SDK2: variants seen among roughly 807,000 people sequenced by gnomAD.
SDK2 encodes the protein protein sidekick-2.
In SDK2, 105 loss-of-function variants were observed where a neutral mutation model predicts 253.9. The ratio of observed to expected loss-of-function variants is 0.41; its 90% CI spans 0.35 to 0.49. SDK2 has a LOEUF of 0.49. SDK2 is among the 20% of genes least tolerant of loss of function. The pLI is 0.06. For synonymous variants in SDK2, 1,249 were observed against 1,234.9 expected (o/e 1.01, Z -0.24); for missense variants, 2,608 against 3,003.0 (o/e 0.87, Z 3.07).
At chr17:73,509,017 T>C (rs1266300678) in intron 1 of SDK2, among the ~76,000 whole-genome samples, 1 of 152,148 alleles carries the variant, frequency 6.6e-6, no homozygotes, top group Non-Finnish European at 1.5e-5. Context: ...CCATGCACCT[T>C]CCAGTGACCA....
At chr17:73,630,577 A>T (rs1484377398) in intron 1 of SDK2, among the ~76,000 whole-genome samples, 1 of 150,878 alleles carries the variant, frequency 6.6e-6, no homozygotes, top group South Asian at 2.1e-4. Flanking sequence ...CTCAGCTTGG[A>T]CTCAGCCTGG....
rs1275172865 is a variant in SDK2, at chr17:73,447,129, C to T, written c.613+486G>A. ...GTGGGTGCCTGGGCAGAGGGCCTGT[C>T]TTCCCATCAGCAGGGACCACCTGGC... On this transcript the variant is annotated intron_variant, in intron 5 of 44. Coordinates refer to ENST00000392650, the MANE Select transcript of SDK2 (RefSeq NM_001144952.2). This position sits in a 1 kb window ranked among gnomAD's most constrained non-coding sequence, Gnocchi z 4.0. Among the ~76,000 whole-genome samples, 1 of 152,136 alleles carries T rather than the reference C, an allele frequency of 6.6e-6. No individual in the cohort carries two copies. Among genetic ancestry groups the T allele is most frequent in the Non-Finnish European group, 1.5e-5 (1 of 68,022 alleles).
intron 33 of SDK2, among the ~76,000 whole-genome samples, chr17:73,382,759 T>C (rs942776447): frequency 1.3e-5 from 2 of 152,326 alleles, no homozygotes; most frequent in African/African-American, 4.8e-5. Context: ...CCCAGCACTC[T>C]GGGAGGCCAA....
At chr17:73,510,156 G>A (rs556975403) in intron 1 of SDK2, among the ~76,000 whole-genome samples, 2 of 151,988 alleles carry the variant, frequency 1.3e-5, no homozygotes, top group Admixed American at 6.6e-5. Flanking sequence ...GGACATCCTG[G>A]TCTTTGGTCA....
intron 1 of SDK2, among the ~76,000 whole-genome samples, chr17:73,553,216 C>T (rs1240875476): frequency 8.5e-6 from 1 of 117,634 alleles, no homozygotes; most frequent in Non-Finnish European, 1.7e-5. Flanking sequence ...AGGCAAGAGG[C>T]AGAGATGGGG....
rs548684382 is a variant in SDK2, at chr17:73,612,388, G to T, written c.64+31637C>A. 6.6e-6 allele frequency among the ~76,000 whole-genome samples: 1 copy of T among 151,646 alleles called. No individual in the cohort carries two copies. The highest frequency in any genetic ancestry group is 2.4e-5 in the African/African-American group (1 of 41,364). The stretch of plus-strand genomic sequence containing the variant: ...CCCCGCACAGTCCCCACCCTCACCG[G>T]GTCCCTGTGGCCCAGCTGCACCTAG... On this transcript the variant is annotated intron_variant, in intron 1 of 44. Transcript: ENST00000392650. The surrounding 1 kb of genome is among the most constrained non-coding windows in gnomAD (Gnocchi z 4.4).
chr17:73,388,657 C>T (rs1030843339), intron 29 of SDK2, among the ~76,000 whole-genome samples: 20 of 152,168 alleles, frequency 1.3e-4, no homozygotes, highest in African/African-American at 4.8e-4. Context: ...TCCAATGTCC[C>T]CTGTGGCCAA....
At chr17:73,578,467 C>T (rs2045488028) in intron 1 of SDK2, among the ~76,000 whole-genome samples, 1 of 152,182 alleles carries the variant, frequency 6.6e-6, no homozygotes. Context: ...CATTTGGGGT[C>T]ATTTTGTTAC....
chr17:73,549,626 A>G (rs548218587), intron 1 of SDK2, among the ~76,000 whole-genome samples: 1 of 152,088 alleles, frequency 6.6e-6, no homozygotes, highest in South Asian at 2.1e-4. Flanking sequence ...CAAGCCCTGA[A>G]GGATGGATGG....
At chr17:73,632,621 C>T (rs948269367) in intron 1 of SDK2, among the ~76,000 whole-genome samples, 2 of 152,168 alleles carry the variant, frequency 1.3e-5, no homozygotes, top group African/African-American at 4.8e-5. Context: ...TGATCCAATA[C>T]TCTTAATAAA....
At chr17:73,489,134 T>C (rs1455159729) in intron 2 of SDK2, among the ~76,000 whole-genome samples, 1 of 152,240 alleles carries the variant, frequency 6.6e-6, no homozygotes, top group Non-Finnish European at 1.5e-5. Context: ...CTCCATGTAC[T>C]GTGGTATCAG....
intron 40 of SDK2, among the ~76,000 whole-genome samples, chr17:73,355,017 TC>T (rs2062574879): frequency 6.6e-6 from 1 of 151,240 alleles, no homozygotes; most frequent in Non-Finnish European, 1.5e-5. Flanking sequence ...TCTCCCCACT[TC>T]CAGTGTGGAT....
In SDK2 at chr17:73,352,603, G is replaced by T; in HGVS notation, c.5628C>A (p.Ile1876=). 1 of 1,614,014 alleles carries T rather than the reference G, an allele frequency of 6.2e-7. No individual in the cohort carries two copies. Among genetic ancestry groups the T allele is most frequent in the Non-Finnish European group, 8.5e-7 (1 of 1,179,892 alleles). The change falls in exon 41 of 45, where the codon ATC becomes ATA. Residue 1876 remains isoleucine (I), a synonymous_variant. Transcript: ENST00000392650. This position sits in a 1 kb window ranked among gnomAD's most constrained non-coding sequence, Gnocchi z 4.1. ...EGLWDILIKD[I]PKEVSSYTFS... is the part of the protein sequence containing the mutation. ...ACGTGTAGGAGCTCACCTCCTTGGG[G>T]ATGTCTTTGATGAGGATGTCCCATA...
In SDK2 at chr17:73,422,361, A is replaced by C; in HGVS notation, c.1971T>G (p.Pro657=). Residue 657 remains proline, a synonymous_variant, in exon 15 of 45, where the codon CCT becomes CCG. Transcript: ENST00000392650. The part of the protein sequence containing the change: ...ATSVTVKGLV[P]ARSYQFRLCA... ...AAAGACGGAACTGGTAGGAGCGTGC[A>C]GGAACCAGGCCCTTGACTGTCACTG... 1 of 1,614,002 alleles carries C rather than the reference A, an allele frequency of 6.2e-7. No homozygotes were observed. The highest frequency in any genetic ancestry group is 8.5e-7 in the Non-Finnish European group (1 of 1,179,888).
intron 6 of SDK2, among the ~76,000 whole-genome samples, chr17:73,439,892 G>A (rs550216357): frequency 8.5e-5 from 13 of 152,324 alleles, no homozygotes; most frequent in African/African-American, 2.9e-4. Flanking sequence ...GGGTTCTGAA[G>A]TGGTGACACC....
rs527966791 is a variant in SDK2 at position 73,610,327 on chromosome 17, G to T, written c.64+33698C>A. ...CCCAGCCAGTCACTTAGGGCACCCCGAAATGCACCTTTTGCCCTGCTCCAA... is the reference window on the plus strand; with the variant it reads ...CCCAGCCAGTCACTTAGGGCACCCCTAAATGCACCTTTTGCCCTGCTCCAA... On this transcript the variant is annotated intron_variant, in intron 1 of 44. Coordinates refer to ENST00000392650, the MANE Select transcript of SDK2 (RefSeq NM_001144952.2). Among the ~76,000 whole-genome samples, 4 of 152,310 alleles carry T rather than the reference G, an allele frequency of 2.6e-5. No homozygotes were observed. The East Asian group carries it at 5.8e-4, about 22-fold the overall frequency.
chr17:73,451,102 G>A (rs1195608667), intron 4 of SDK2, among the ~76,000 whole-genome samples: 1 of 152,226 alleles, frequency 6.6e-6, no homozygotes, highest in Non-Finnish European at 1.5e-5. Context: ...CTTGGACCAT[G>A]AGCGCCTCCT....
intron 8 of SDK2, 24 bp downstream of exon 8, chr17:73,437,715 C>A (rs369849112): frequency 1.3e-6 from 2 of 1,594,696 alleles, no homozygotes; most frequent in Non-Finnish European, 1.7e-6. Flanking sequence ...TCTTTGTCCC[C>A]CTCCAGCGGT....
intron 44 of SDK2, among the ~76,000 whole-genome samples, chr17:73,341,230 CTTT>C (rs11347151): frequency 3.3e-4 from 40 of 120,278 alleles, no homozygotes; most frequent in Admixed American, 3.5e-4. Context: ...TTATTCCTGA[CTTT>C]TTTTTTTTTT....
Sources: allele counts gnomAD v4.1 joint callset (sites outside exome capture counted in the v4.1 genomes callset), GRCh38; gene constraint gnomAD v4.1.1; non-coding constraint Gnocchi (gnomAD v3.1); transcripts MANE v1.5; gene names NCBI Gene and HGNC (gene_info 2026-07-23, HGNC 2026-07-21).